Variants in MEAK7 observed in about 807,000 individuals in gnomAD.
The protein encoded by MEAK7 is MTOR-associated protein MEAK7.
In MEAK7, 68 loss-of-function variants were observed where a neutral mutation model predicts 40.5. That is an observed-to-expected ratio of 1.68 (90% confidence interval 1.38 to 2.06). The LOEUF is 2.06. Ranked by LOEUF, MEAK7 falls within the 30% of genes most tolerant of loss-of-function variation. The probability of loss-of-function intolerance (pLI) is 0.00; values close to 1 mark genes in which losing one functional copy is unlikely to be tolerated. For missense variants in MEAK7, 918 were observed against 580.5 expected (o/e 1.58, Z -5.98); for synonymous variants, 338 against 231.9 (o/e 1.46, Z -4.16).
intron 2 of MEAK7, 81 bp downstream of exon 2, chr16:84,497,853 G>C (rs1029489624): frequency 1.3e-6 from 2 of 1,585,914 alleles, no homozygotes; most frequent in South Asian, 2.2e-5. Flanking sequence ...ACAAAAACAC[G>C]AAAGCAGATT....
At chr16:84,490,654 A>AGTGTGTG (rs1555513462) in intron 3 of MEAK7, among the ~76,000 whole-genome samples, 1 of 137,532 alleles carries the variant, frequency 7.3e-6, no homozygotes, top group African/African-American at 2.8e-5. Context: ...GCTAATCAAG[A>AGTGTGTG]TGTGTGTGTG....
chr16:84,479,833 G>A lies in MEAK7; in HGVS notation c.*80C>T, dbSNP rs1010980610. 8.3e-6 allele frequency: 9 copies of A among 1,079,430 alleles called. No homozygotes were observed. The African/African-American group carries it at 1.1e-4, about 13-fold the overall frequency. The allele number at this position is 1,079,430 out of a possible 1,614,324, so 66.9% of individuals were successfully genotyped here. A position where few individuals can be genotyped will look rare whatever the true frequency, so the allele number is the denominator to read the frequency against. ...GTACGCTATTACAGTTAAACCATGT[G>A]GGAGGGAAGAGGGGCTGCAGGCGTT... On this transcript the variant is annotated 3_prime_UTR_variant, in exon 8 of 8. Transcript: ENST00000343629.
intron 3 of MEAK7, among the ~76,000 whole-genome samples, chr16:84,490,734 T>C (rs1219662722): frequency 6.7e-6 from 1 of 149,900 alleles, no homozygotes; most frequent in East Asian, 2.0e-4. Context: ...TCTCCTAGGG[T>C]CTTGTTTTTA....
intron 5 of MEAK7, among the ~76,000 whole-genome samples, chr16:84,483,427 G>T (rs1285967030): frequency 1.3e-5 from 2 of 152,270 alleles, no homozygotes; most frequent in African/African-American, 4.8e-5. Flanking sequence ...GACTTGGCCG[G>T]AAGGGCTGCC....
intron 3 of MEAK7, among the ~76,000 whole-genome samples, 181 bp from the exon 4 acceptor site, chr16:84,489,603 C>G (rs1913395509): frequency 6.6e-6 from 1 of 152,196 alleles, no homozygotes; most frequent in Non-Finnish European, 1.5e-5. Flanking sequence ...TGGCCTAGAA[C>G]TTTTCCCAAA....
In MEAK7 at chr16:84,479,111, C is replaced by T. The variant is rs1912277907; in HGVS notation, c.*802G>A. On this transcript the variant is annotated 3_prime_UTR_variant, in exon 8 of 8. Transcript: ENST00000343629. ...GGGTGTGGAACCTTATTACAAATACCTTCTGAGGACTCATGCCACCACCAG... is the reference window on the plus strand; with the variant it reads ...GGGTGTGGAACCTTATTACAAATACTTTCTGAGGACTCATGCCACCACCAG... 1 of 152,234 alleles carries T rather than the reference C, an allele frequency of 6.6e-6. No individual in the cohort carries two copies. The highest frequency in any genetic ancestry group is 6.5e-5 in the Admixed American group (1 of 15,288). 9.4% of individuals were successfully genotyped at this position (152,234 alleles called of 1,614,324 possible). A position where few individuals can be genotyped will look rare whatever the true frequency, so the allele number is the denominator to read the frequency against.
chr16:84,490,653 GATGTGTGTGTGT>G (rs1248600667), intron 3 of MEAK7, among the ~76,000 whole-genome samples: 5 of 104,502 alleles, frequency 4.8e-5, no homozygotes, highest in East Asian at 2.5e-4. Flanking sequence ...AGCTAATCAA[GATGTGTGTGTGT>G]GTGTGTGTGT....
intron 3 of MEAK7, among the ~76,000 whole-genome samples, chr16:84,489,833 G>A (rs987489473): frequency 2.6e-5 from 4 of 152,166 alleles, no homozygotes; most frequent in Non-Finnish European, 5.9e-5. Flanking sequence ...CAAAAAGGAA[G>A]GCAAGTCTTC....
At chr16:84,489,539 G>T (rs1009182780) in intron 3 of MEAK7, 117 bp from the exon 4 acceptor site, 1 of 1,221,274 alleles carries the variant, frequency 8.2e-7, no homozygotes, top group Non-Finnish European at 1.1e-6. Flanking sequence ...CCACAATGTG[G>T]GGAAAGGTCA....
At chr16:84,504,031 G>C in intron 1 of MEAK7, 2 of 985,564 alleles carry the variant, frequency 2.0e-6, no homozygotes, top group Non-Finnish European at 2.4e-6. Context: ...TCAGAGCCCA[G>C]AGGCCCTTGT....
chr16:84,484,603 T>A (rs958774971), intron 5 of MEAK7, among the ~76,000 whole-genome samples: 1 of 152,230 alleles, frequency 6.6e-6, no homozygotes, highest in African/African-American at 2.4e-5. Flanking sequence ...TTAAAAAGGT[T>A]TACGAAGCCA....
At position 84,482,583 on chromosome 16, in the gene MEAK7, C is replaced by A. The variant is rs781680496; in HGVS notation, c.1077+9G>T. 3 of 1,613,914 alleles carry A rather than the reference C, an allele frequency of 1.9e-6. No individual in the cohort carries two copies. The highest frequency in any genetic ancestry group is 2.5e-6 in the Non-Finnish European group (3 of 1,179,936). On this transcript the variant is annotated intron_variant, in intron 6 of 7. Coordinates refer to ENST00000343629, the MANE Select transcript of MEAK7 (RefSeq NM_020947.4). ...CAAGGCAAGACCACCACGCTCTGCC[C>A]GGGCTCACCAGTCCGTTCGGGATCG... is the stretch of plus-strand genomic sequence containing the variant.
intron 1 of MEAK7, chr16:84,502,790 G>C (rs1028684358): frequency 6.6e-6 from 1 of 152,188 alleles, no homozygotes; most frequent in Non-Finnish European, 1.5e-5. Context: ...AAGATCGCTT[G>C]AACCAGGAGG....
At chr16:84,493,710 T>C (rs1406096922) in intron 3 of MEAK7, among the ~76,000 whole-genome samples, 1 of 152,252 alleles carries the variant, frequency 6.6e-6, no homozygotes, top group African/African-American at 2.4e-5. Flanking sequence ...TTTGCATACA[T>C]TCAATAAGAA....
At chr16:84,495,993 A>G in intron 2 of MEAK7, 80 bp from the exon 3 acceptor site, 4 of 1,488,086 alleles carry the variant, frequency 2.7e-6, no homozygotes, top group Non-Finnish European at 3.7e-6. Flanking sequence ...TTTTAGGCAG[A>G]TAGAGAGGAA....
chr16:84,496,473 T>C (rs914755885), intron 2 of MEAK7, among the ~76,000 whole-genome samples: 13 of 152,184 alleles, frequency 8.5e-5, no homozygotes, highest in African/African-American at 3.1e-4. Context: ...TCCTTCCTTC[T>C]TGCCTATTAA....
intron 3 of MEAK7, among the ~76,000 whole-genome samples, chr16:84,492,331 A>G (rs1913687656): frequency 6.6e-6 from 1 of 152,172 alleles, no homozygotes; most frequent in Admixed American, 6.5e-5. Context: ...AGGTTTATAC[A>G]AATTACATCT....
At chr16:84,504,049 G>A (rs929978742) in intron 1 of MEAK7, 4 of 985,428 alleles carry the variant, frequency 4.1e-6, no homozygotes, top group Non-Finnish European at 4.8e-6. Context: ...TGTGCGAAGG[G>A]GCAGCTTGAG....
intron 1 of MEAK7, among the ~76,000 whole-genome samples, chr16:84,501,573 C>A (rs989741370): frequency 6.6e-6 from 1 of 152,112 alleles, no homozygotes; most frequent in Admixed American, 6.5e-5. Flanking sequence ...ACAGAAGCGG[C>A]GCAGACCAGG....
Sources: allele counts gnomAD v4.1 joint callset (sites outside exome capture counted in the v4.1 genomes callset), GRCh38; gene constraint gnomAD v4.1.1; transcripts MANE v1.5; gene names NCBI Gene and HGNC (gene_info 2026-07-23, HGNC 2026-07-21).